Variants in UGP2 observed in about 807,000 individuals in gnomAD.
The protein encoded by UGP2 is UDP-glucose pyrophosphorylase 2, also known as UTP--glucose-1-phosphate uridylyltransferase.
Under a neutral mutation model 49.0 loss-of-function variants are expected in UGP2, and 40 were observed. That is an observed-to-expected ratio of 0.82 (90% confidence interval 0.63 to 1.06). UGP2 has a LOEUF of 1.06. UGP2 is among the 50% of genes least tolerant of loss of function. UGP2 has a pLI of 0.00. For synonymous variants in UGP2, 225 were observed against 213.0 expected (o/e 1.06, Z -0.49); for missense variants, 460 against 603.5 (o/e 0.76, Z 2.49).
intron 3 of UGP2, among the ~76,000 whole-genome samples, chr2:63,876,852 T>C (rs1039934532): frequency 6.6e-6 from 1 of 152,248 alleles, no homozygotes; most frequent in Non-Finnish European, 1.5e-5. Context: ...TTTTATTTTA[T>C]ACCAAATATT....
intron 3 of UGP2, among the ~76,000 whole-genome samples, chr2:63,859,513 G>A (rs983560045): frequency 6.6e-6 from 1 of 152,064 alleles, no homozygotes; most frequent in Admixed American, 6.6e-5. Context: ...TGAAGTGGGG[G>A]TCAGAGGGTG....
Position 63,873,520 on chromosome 2 carries a change from A to AT in UGP2, c.256-8939dup, listed in dbSNP as rs560753921. On this transcript the variant is annotated intron_variant, in intron 3 of 9. Coordinates refer to ENST00000337130, the MANE Select transcript of UGP2 (RefSeq NM_006759.4). ...GGTGAACTAGTCTGAAAGAGGCTCC[A>AT]TTTTTTTATCTTCGCAAGTACCCGT... Among the ~76,000 whole-genome samples the AT allele has an allele frequency of 1.6e-4, 24 of 152,154 alleles. No individual in the cohort carries two copies. The South Asian group carries it at 3.1e-3, about 20-fold the overall frequency.
intron 1 of UGP2, among the ~76,000 whole-genome samples, chr2:63,851,164 G>A (rs908924547): frequency 1.1e-4 from 16 of 152,134 alleles, no homozygotes; most frequent in Admixed American, 2.6e-4. Context: ...TCTGACAAAT[G>A]AATAGGAGCT....
chr2:63,890,213 TCTTACAG>T (rs1202925620), intron 9 of UGP2, 28 bp downstream of exon 9: 1 of 1,516,688 alleles, frequency 6.6e-7, no homozygotes, highest in African/African-American at 1.4e-5. Flanking sequence ...AAATTATATT[TCTTACAG>T]CTTACAATAT....
At chr2:63,887,840 T>C in intron 8 of UGP2, 196 bp downstream of exon 8, 2 of 724,720 alleles carry the variant, frequency 2.8e-6, no homozygotes, top group Non-Finnish European at 4.3e-6. Context: ...GATTGCCATA[T>C]GGAGAGTAGA....
At chr2:63,882,859 TGTG>T (rs1671410787) in intron 4 of UGP2, 2 of 345,158 alleles carry the variant, frequency 5.8e-6, no homozygotes, top group African/African-American at 4.2e-5. Context: ...AAATAGCACC[TGTG>T]GTTGTTGAAA....
chr2:63,845,935 A>T (rs937882007), intron 1 of UGP2: 1 of 152,016 alleles, frequency 6.6e-6, no homozygotes, highest in Non-Finnish European at 1.5e-5. Context: ...TAGGCAGGAG[A>T]GTTCTTAGTA....
chr2:63,844,601 T>C (rs1264318134), intron 1 of UGP2, among the ~76,000 whole-genome samples: 1 of 152,168 alleles, frequency 6.6e-6, no homozygotes, highest in African/African-American at 2.4e-5. Flanking sequence ...CTCACTTTGT[T>C]GCCAGGCTGG....
At position 63,882,672 on chromosome 2, in the gene UGP2, C is replaced by T. The variant is rs116070092; in HGVS notation, c.441+21C>T. 8.0e-4 allele frequency: 1,178 copies of T among 1,478,502 alleles called. 10 individuals carry two copies. In the African/African-American group the frequency reaches 0.015, roughly 19 times the overall value. 91.6% of individuals were successfully genotyped at this position (1,478,502 alleles called of 1,614,324 possible). ...TTGAAGTGAGTAACATTTAGCCTTT[C>T]TCATGAGATACTAAAATAGTTTTTA... On this transcript the variant is annotated intron_variant, in intron 4 of 9. Transcript: ENST00000337130.
intron 3 of UGP2, among the ~76,000 whole-genome samples, chr2:63,865,281 T>G (rs954835531): frequency 2.0e-5 from 3 of 152,198 alleles, no homozygotes; most frequent in African/African-American, 7.2e-5. Context: ...GGCCGTTTAG[T>G]TGGGAAGGAG....
chr2:63,866,262 G>A lies in UGP2; in HGVS notation c.255+8326G>A, dbSNP rs555620513. 1.3e-4 allele frequency among the ~76,000 whole-genome samples: 20 copies of A among 152,310 alleles called. No homozygotes were observed. In the South Asian group the frequency reaches 3.3e-3, roughly 25 times the overall value. On this transcript the variant is annotated intron_variant, in intron 3 of 9. Coordinates refer to ENST00000337130, the MANE Select transcript of UGP2 (RefSeq NM_006759.4). ...CACACAGCTCTGGGTCAACAGATTC[G>A]TGCTATAAATAAGGAAAAGACCCTG...
At chr2:63,865,496 T>A (rs1201683991) in intron 3 of UGP2, among the ~76,000 whole-genome samples, 1 of 151,450 alleles carries the variant, frequency 6.6e-6, no homozygotes, top group East Asian at 2.0e-4. Context: ...AGAGAATGAA[T>A]AACTGGTGTT....
chr2:63,848,312 A>G (rs192554813), intron 1 of UGP2, among the ~76,000 whole-genome samples: 26 of 152,314 alleles, frequency 1.7e-4, no homozygotes, highest in African/African-American at 5.8e-4. Context: ...TGGTAATTGA[A>G]TGGATTGTCC....
intron 1 of UGP2, among the ~76,000 whole-genome samples, chr2:63,846,454 T>A (rs894020945): frequency 8.4e-5 from 12 of 142,254 alleles, no homozygotes; most frequent in South Asian, 2.3e-4. Flanking sequence ...TTAAAAAAAA[T>A]GATTCTAAAT....
At chr2:63,846,575 C>G (rs1443016604) in intron 1 of UGP2, among the ~76,000 whole-genome samples, 1 of 152,120 alleles carries the variant, frequency 6.6e-6, no homozygotes, top group Non-Finnish European at 1.5e-5. Flanking sequence ...TTAAAAAATG[C>G]TTGAGGCCTA....
chr2:63,846,282 CAGTG>C (rs1425343000), intron 1 of UGP2: 2 of 152,060 alleles, frequency 1.3e-5, no homozygotes, highest in Non-Finnish European at 2.9e-5. Context: ...TCAGGTTTGT[CAGTG>C]GGTGCCATTT....
chr2:63,844,779 C>A (rs1671817741), intron 1 of UGP2, among the ~76,000 whole-genome samples: 2 of 152,160 alleles, frequency 1.3e-5, no homozygotes, highest in South Asian at 4.1e-4. Flanking sequence ...TCAGGCTGGT[C>A]TCAAACTCCT....
intron 9 of UGP2, 143 bp from the exon 10 acceptor site, chr2:63,890,977 T>C (rs1004222924): frequency 1.1e-5 from 6 of 557,754 alleles, no homozygotes; most frequent in Admixed American, 7.3e-5. Flanking sequence ...TTAACTGTTA[T>C]TTGTTTTTCA....
At chr2:63,876,607 G>A (rs4538187) in intron 3 of UGP2, among the ~76,000 whole-genome samples, 126,141 of 152,244 alleles carry the variant, frequency 0.83, 52,380 homozygotes, top group East Asian at 0.91. Context: ...AGACAAGAAG[G>A]TATTATTGAA....
Sources: gnomAD v4.1 joint callset for allele counts (sites outside exome capture counted in the v4.1 genomes callset) on GRCh38, gnomAD v4.1.1 for gene constraint, MANE v1.5 for transcripts, NCBI Gene and HGNC (gene_info 2026-07-23, HGNC 2026-07-21) for gene names.